Variants in RAI14 observed in about 807,000 individuals in gnomAD.
RAI14 encodes the protein retinoic acid induced 14, also known as ankycorbin.
RAI14 carries 45 observed loss-of-function variants against 115.4 expected under a neutral mutation model. The ratio of observed to expected loss-of-function variants is 0.39; its 90% CI spans 0.31 to 0.50. The LOEUF (loss-of-function observed/expected upper bound fraction) is 0.50. Ranked by LOEUF, RAI14 falls within the 20% of genes least tolerant of loss-of-function variation. The probability of loss-of-function intolerance (pLI) is 0.85; values close to 1 mark genes in which losing one functional copy is unlikely to be tolerated. For synonymous variants in RAI14, 371 were observed against 415.4 expected, an observed-to-expected ratio of 0.89 and a Z score of 1.30; for missense variants, 939 against 1,131.2, an observed-to-expected ratio of 0.83 and a Z score of 2.44.
intron 5 of RAI14, among the ~76,000 whole-genome samples, chr5:34,805,693 T>A (rs1027341162): frequency 2.0e-5 from 3 of 151,884 alleles, no homozygotes; most frequent in Non-Finnish European, 4.4e-5. Flanking sequence ...ATACAAAAAT[T>A]AGCCGGGCGT....
intron 2 of RAI14, among the ~76,000 whole-genome samples, chr5:34,710,078 C>T (rs536204516): frequency 1.3e-5 from 2 of 152,304 alleles, no homozygotes; most frequent in South Asian, 2.1e-4. Context: ...ATACATCCTC[C>T]GCTTTCCTCA....
intron 2 of RAI14, among the ~76,000 whole-genome samples, chr5:34,724,311 C>T (rs113707127): frequency 1.2e-3 from 182 of 152,152 alleles, no homozygotes; most frequent in African/African-American, 4.3e-3. Context: ...CCACCACACC[C>T]GGCCTAGTTG....
At chr5:34,775,014 G>A (rs1471480601) in intron 3 of RAI14, among the ~76,000 whole-genome samples, 1 of 152,042 alleles carries the variant, frequency 6.6e-6, no homozygotes, top group Non-Finnish European at 1.5e-5. Context: ...ACATACATTG[G>A]GAAAAGGACA....
chr5:34,765,651 A>C (rs557810481), intron 3 of RAI14, among the ~76,000 whole-genome samples: 4 of 152,222 alleles, frequency 2.6e-5, no homozygotes, highest in Non-Finnish European at 5.9e-5. Flanking sequence ...CAAAGCATAA[A>C]AGTTTGGAAA....
chr5:34,663,840 T>G (rs964415570), intron 1 of RAI14, among the ~76,000 whole-genome samples: 29 of 152,222 alleles, frequency 1.9e-4, no homozygotes. Flanking sequence ...GAAACACTTT[T>G]CCTCCTTATC....
intron 2 of RAI14, among the ~76,000 whole-genome samples, chr5:34,720,568 G>A (rs1742570761): frequency 6.6e-6 from 1 of 151,680 alleles, no homozygotes; most frequent in South Asian, 2.1e-4. Context: ...CCGCCACCAC[G>A]CCCAGCTAAT....
chr5:34,772,197 GC>G (rs1750250609), intron 3 of RAI14, among the ~76,000 whole-genome samples: 1 of 152,208 alleles, frequency 6.6e-6, no homozygotes, highest in African/African-American at 2.4e-5. Flanking sequence ...ACAGGCATGA[GC>G]CACTGCCCCC....
intron 3 of RAI14, among the ~76,000 whole-genome samples, chr5:34,792,228 CTTTTTTCTTTT>C (rs1752993800): frequency 2.0e-5 from 2 of 101,612 alleles, no homozygotes; most frequent in South Asian, 6.1e-4. Context: ...CTTTTCTTTT[CTTTTTTCTTTT>C]TTTTTTTTTT....
chr5:34,725,828 G>A (rs572551541), intron 2 of RAI14, among the ~76,000 whole-genome samples: 1 of 151,952 alleles, frequency 6.6e-6, no homozygotes, highest in African/African-American at 2.4e-5. Flanking sequence ...GCCAGCAGTG[G>A]TGGCGTATGC....
chr5:34,791,824 G>A lies in RAI14; in HGVS notation c.168-4115G>A, dbSNP rs1449847153. 6.6e-6 allele frequency among the ~76,000 whole-genome samples: 1 copy of A among 152,232 alleles called. No homozygotes were observed. The highest frequency in any genetic ancestry group is 1.5e-5 in the Non-Finnish European group (1 of 68,042). ...TGCAGCTGTGGCTGTGGGAGAGCCG[G>A]CCTGCAAAGCTGTGGCCTTCACAGA... On this transcript the variant is annotated intron_variant, in intron 3 of 17. Coordinates refer to ENST00000265109, the MANE Select transcript of RAI14 (RefSeq NM_015577.3). This position sits in a 1 kb window ranked among gnomAD's most constrained non-coding sequence, Gnocchi z 5.4.
At chr5:34,815,374 C>T (rs756861909) in intron 12 of RAI14, among the ~76,000 whole-genome samples, 13 of 149,518 alleles carry the variant, frequency 8.7e-5, no homozygotes, top group East Asian at 5.9e-4. Context: ...GGCGAGACTC[C>T]GTCTCAAAAA....
intron 2 of RAI14, among the ~76,000 whole-genome samples, chr5:34,699,634 G>A (rs78499398): frequency 0.016 from 2,469 of 152,234 alleles, 53 homozygotes; most frequent in African/African-American, 0.057. Context: ...GAGACATTGG[G>A]GGTTAGGGCT....
chr5:34,773,629 A>G (rs551654739), intron 3 of RAI14, among the ~76,000 whole-genome samples: 2 of 152,298 alleles, frequency 1.3e-5, no homozygotes, highest in South Asian at 2.1e-4. Context: ...AAGACATACA[A>G]ATGGCCACAG....
intron 3 of RAI14, among the ~76,000 whole-genome samples, chr5:34,777,676 G>A (rs1751037953): frequency 6.6e-6 from 1 of 152,146 alleles, no homozygotes; most frequent in Non-Finnish European, 1.5e-5. Context: ...CTACTCAGGA[G>A]GCTGAGGCAG....
At chr5:34,730,126 C>G (rs1197561005) in intron 2 of RAI14, among the ~76,000 whole-genome samples, 2 of 152,096 alleles carry the variant, frequency 1.3e-5, no homozygotes, top group Admixed American at 6.6e-5. Context: ...GATGAATTAT[C>G]CACTCTATTT....
intron 4 of RAI14, among the ~76,000 whole-genome samples, chr5:34,799,685 A>ATTTTTTTTTTTTTTTTTTTTTTTTT (rs57115550): frequency 1.9e-5 from 2 of 103,414 alleles, no homozygotes; most frequent in African/African-American, 7.9e-5. Flanking sequence ...ATCTGTTAGC[A>ATTTTTTTTTTTTTTTTTTTTTTTTT]TTTTTTTTTT....
chr5:34,819,748 A>G (rs2150287622), intron 13 of RAI14, among the ~76,000 whole-genome samples: 1 of 152,250 alleles, frequency 6.6e-6, no homozygotes, highest in African/African-American at 2.4e-5. Context: ...TGCAGAACTT[A>G]GAAATATTTT....
chr5:34,805,734 G>A (rs560901438), intron 5 of RAI14, among the ~76,000 whole-genome samples: 3 of 152,234 alleles, frequency 2.0e-5, no homozygotes, highest in Non-Finnish European at 2.9e-5. Flanking sequence ...CCAGCTACTC[G>A]AGAGGCTGAG....
intron 13 of RAI14, among the ~76,000 whole-genome samples, 165 bp from the exon 14 acceptor site, chr5:34,821,567 T>C (rs1406243693): frequency 6.6e-6 from 1 of 152,178 alleles, no homozygotes; most frequent in African/African-American, 2.4e-5. Context: ...CCCAGTTTCC[T>C]TTCTATATAA....
Sources: gnomAD v4.1 joint callset for allele counts (sites outside exome capture counted in the v4.1 genomes callset) on GRCh38, gnomAD v4.1.1 for gene constraint, Gnocchi (gnomAD v3.1) non-coding constraint, MANE v1.5 for transcripts, NCBI Gene and HGNC (gene_info 2026-07-23, HGNC 2026-07-21) for gene names.